The following PIK3C2G variants were observed in gnomAD, a reference collection of about 807,000 sequenced individuals.
The protein encoded by PIK3C2G is phosphatidylinositol 3-kinase C2 domain-containing subunit gamma.
Under a neutral mutation model 181.1 loss-of-function variants are expected in PIK3C2G, and 168 were observed. The ratio of observed to expected loss-of-function variants is 0.93; its 90% CI spans 0.82 to 1.05. The LOEUF (loss-of-function observed/expected upper bound fraction) is 1.05, where lower values mean the gene tolerates loss of function less well. Ranked by LOEUF, PIK3C2G falls within the 50% of genes least tolerant of loss-of-function variation. PIK3C2G has a pLI of 0.00. For synonymous variants in PIK3C2G, 573 were observed against 592.2 expected, an observed-to-expected ratio of 0.97 and a Z score of 0.47; for missense variants, 1,869 against 1,732.8, an observed-to-expected ratio of 1.08 and a Z score of -1.40.
chr12:18,371,939 C>T (rs561771238), intron 13 of PIK3C2G, among the ~76,000 whole-genome samples: 36 of 152,030 alleles, frequency 2.4e-4, no homozygotes, highest in African/African-American at 6.5e-4. Flanking sequence ...ATTTTTCACA[C>T]GGCTAGTCTT....
At chr12:18,557,979 T>C (rs1244758794) in intron 26 of PIK3C2G, among the ~76,000 whole-genome samples, 1 of 152,102 alleles carries the variant, frequency 6.6e-6, no homozygotes, top group African/African-American at 2.4e-5. Flanking sequence ...TACCTATTGG[T>C]TTTGTGTGTG....
intron 7 of PIK3C2G, among the ~76,000 whole-genome samples, chr12:18,323,369 A>C (rs1316703192): frequency 6.6e-6 from 1 of 152,146 alleles, no homozygotes; most frequent in Non-Finnish European, 1.5e-5. Flanking sequence ...GTGGTAAGGA[A>C]ACTAAAAACA....
At chr12:18,664,645 T>C in the PIK3C2G span, among the ~76,000 whole-genome samples, 53 of 152,018 alleles carry the variant, frequency 3.5e-4, no homozygotes, top group Middle Eastern at 3.4e-3. Context: ...GACCCAGCCA[T>C]CCCATTATTG....
At chr12:18,683,779 G>C in the PIK3C2G span, 17 of 540,536 alleles carry the variant, frequency 3.1e-5, no homozygotes, top group Non-Finnish European at 5.5e-5. Flanking sequence ...TTCTCCTCAG[G>C]CAGGAAGAAT....
At chr12:18,414,762 C>T (rs192976637) in intron 16 of PIK3C2G, among the ~76,000 whole-genome samples, 1 of 152,118 alleles carries the variant, frequency 6.6e-6, no homozygotes, top group Non-Finnish European at 1.5e-5. Flanking sequence ...ATATTGCCAA[C>T]AAGTATGAAA....
At chr12:18,336,107 T>A (rs1938507128) in intron 8 of PIK3C2G, among the ~76,000 whole-genome samples, 3 of 152,170 alleles carry the variant, frequency 2.0e-5, no homozygotes, top group Admixed American at 2.0e-4. Context: ...TTCATTTCTC[T>A]TATAAACTGA....
chr12:18,258,219 C>A (rs1279022736), upstream of PIK3C2G, among the ~76,000 whole-genome samples: 1 of 152,008 alleles, frequency 6.6e-6, no homozygotes, highest in East Asian at 1.9e-4. Flanking sequence ...GATATTTTGA[C>A]ATATACATTG....
chr12:18,626,368 T>A (rs1949098751), intron 31 of PIK3C2G, among the ~76,000 whole-genome samples: 1 of 152,032 alleles, frequency 6.6e-6, no homozygotes. Flanking sequence ...TTGTAATATG[T>A]ATTCCTTGAC....
intron 9 of PIK3C2G, among the ~76,000 whole-genome samples, chr12:18,339,973 T>A (rs544771231): frequency 6.6e-6 from 1 of 152,122 alleles, no homozygotes; most frequent in East Asian, 1.9e-4. Context: ...TGTGTTTATT[T>A]CCCTAAATTT....
At chr12:18,363,332 A>C (rs1180735134) in intron 12 of PIK3C2G, among the ~76,000 whole-genome samples, 1 of 152,194 alleles carries the variant, frequency 6.6e-6, no homozygotes, top group Non-Finnish European at 1.5e-5. Flanking sequence ...GACAATAAAC[A>C]TCTATAGATG....
At chr12:18,490,512 C>T (rs1346709704) in intron 19 of PIK3C2G, among the ~76,000 whole-genome samples, 2 of 152,162 alleles carry the variant, frequency 1.3e-5, no homozygotes, top group Non-Finnish European at 2.9e-5. Context: ...ACTATTCCCC[C>T]TGCCCCCTGC....
intron 29 of PIK3C2G, among the ~76,000 whole-genome samples, chr12:18,582,784 C>G (rs919269707): frequency 6.6e-6 from 1 of 151,546 alleles, no homozygotes; most frequent in Non-Finnish European, 1.5e-5. Context: ...GTGCAGCCAC[C>G]CTAAGAAAAA....
chr12:18,723,360 A>G, the PIK3C2G span: 1 of 1,612,872 alleles, frequency 6.2e-7, no homozygotes, highest in Non-Finnish European at 8.5e-7. Flanking sequence ...CAATAGCTTT[A>G]CTCATCTCAG....
At chr12:18,510,685 A>C (rs925899212) in intron 24 of PIK3C2G, among the ~76,000 whole-genome samples, 2 of 152,108 alleles carry the variant, frequency 1.3e-5, no homozygotes, top group Non-Finnish European at 2.9e-5. Flanking sequence ...GAGACAGACT[A>C]TGTGTTTTTG....
At chr12:18,429,937 A>G (rs926073764) in intron 18 of PIK3C2G, among the ~76,000 whole-genome samples, 2 of 152,188 alleles carry the variant, frequency 1.3e-5, no homozygotes, top group African/African-American at 4.8e-5. Context: ...CGAAGTGGGA[A>G]AATCTCTAAG....
At chr12:18,449,935 G>A (rs187744929) in intron 18 of PIK3C2G, among the ~76,000 whole-genome samples, 7 of 152,050 alleles carry the variant, frequency 4.6e-5, no homozygotes, top group Admixed American at 2.6e-4. Context: ...CCACATCCTC[G>A]ACAGCATCTG....
intron 24 of PIK3C2G, among the ~76,000 whole-genome samples, chr12:18,521,918 G>A (rs550846942): frequency 1.3e-5 from 2 of 152,330 alleles, no homozygotes; most frequent in South Asian, 2.1e-4. Context: ...GGGTTGCACA[G>A]TTCCATGGAA....
intron 8 of PIK3C2G, among the ~76,000 whole-genome samples, chr12:18,327,775 C>T (rs57154066): frequency 0.032 from 4,919 of 152,042 alleles, 268 homozygotes; most frequent in African/African-American, 0.11. Flanking sequence ...CAAGGTATCA[C>T]TGAATGCTTA....
the PIK3C2G span, among the ~76,000 whole-genome samples, chr12:18,657,648 G>A: frequency 5.9e-5 from 9 of 152,116 alleles, no homozygotes; most frequent in African/African-American, 2.2e-4. Context: ...TAAAAAATCA[G>A]TTCAGAGAAG....
Sources: gnomAD v4.1 joint callset for allele counts (sites outside exome capture counted in the v4.1 genomes callset) on GRCh38, gnomAD v4.1.1 for gene constraint, MANE v1.5 for transcripts, NCBI Gene and HGNC (gene_info 2026-07-23, HGNC 2026-07-21) for gene names.